The following P2RY8 variants were observed in gnomAD, a reference collection of about 807,000 sequenced individuals.
P2RY8 encodes S-geranylgeranyl-glutathione receptor P2RY8.
Under a neutral mutation model 10.0 loss-of-function variants are expected in P2RY8, and 6 were observed. The ratio of observed to expected loss-of-function variants is 0.60; its 90% CI spans 0.33 to 1.19. The LOEUF is 1.19. Among genes scored for constraint, P2RY8 ranks in the 50% most tolerant of loss-of-function variants. The probability of loss-of-function intolerance (pLI) is 0.04; values close to 1 mark genes in which losing one functional copy is unlikely to be tolerated. For missense variants in P2RY8, 456 were observed against 542.0 expected (o/e 0.84, Z 1.58); for synonymous variants, 276 against 252.5 (o/e 1.09, Z -0.88).
chrX:1,498,772 T>G (rs1475463566), intron 1 of P2RY8, among the ~76,000 whole-genome samples: 1 of 151,964 alleles, frequency 6.6e-6, no homozygotes, highest in African/African-American at 2.4e-5. Context: ...ACTCCTGATC[T>G]TGTGATCCGC....
intron 1 of P2RY8, among the ~76,000 whole-genome samples, chrX:1,529,565 G>A (rs1422784059): frequency 3.3e-5 from 5 of 152,040 alleles, no homozygotes; most frequent in African/African-American, 1.2e-4. Context: ...CAGTGCACAG[G>A]ATAGGCTCAA....
At chrX:1,478,273 G>GTGTGTGTGTGTGTGTGTGTGTGTA (rs539376483) in intron 1 of P2RY8, among the ~76,000 whole-genome samples, 2 of 133,568 alleles carry the variant, frequency 1.5e-5, no homozygotes, top group Non-Finnish European at 3.1e-5. Context: ...GTGTGTGTGT[G>GTGTGTGTGTGTGTGTGTGTGTGTA]CCCAGCAGGG....
At chrX:1,524,063 G>A (rs1166526656) in intron 1 of P2RY8, among the ~76,000 whole-genome samples, 10 of 152,088 alleles carry the variant, frequency 6.6e-5, no homozygotes, top group African/African-American at 2.4e-4. Context: ...ATTTATTTTG[G>A]TGACTGAGTT....
Position 1,464,639 on chromosome X carries a change from C to T in P2RY8, c.*840G>A, listed in dbSNP as rs2091637254. 1 of 233,332 alleles carries T rather than the reference C, an allele frequency of 4.3e-6. No individual in the cohort carries two copies. The highest frequency in any genetic ancestry group is 2.2e-5 in the African/African-American group (1 of 45,328). The allele number at this position is 233,332 out of a possible 1,614,324, so 14.5% of individuals were successfully genotyped here. A position where few individuals can be genotyped will look rare whatever the true frequency, so the allele number is the denominator to read the frequency against. On this transcript the variant is annotated 3_prime_UTR_variant, in exon 2 of 2. Coordinates refer to ENST00000381297, the MANE Select transcript of P2RY8 (RefSeq NM_178129.5). ...ACCTGGGCCTCCCGTGGTCCTTGTC[C>T]TGAGTCAGGGAAGCCTGAGTGTGTT...
chrX:1,468,333 C>T lies in P2RY8; in HGVS notation c.-24-1751G>A, dbSNP rs761989054. ...AAAGTCCTACGGTGGCGGCCTCACC[C>T]GGCCACCCTCGTGTCTGTACCTGTG... On this transcript the variant is annotated intron_variant, in intron 1 of 1. Transcript: ENST00000381297. Among the ~76,000 whole-genome samples the T allele has an allele frequency of 2.8e-3, 420 of 152,336 alleles. 1 individual carries two copies. The highest frequency in any genetic ancestry group is 4.2e-3 in the Non-Finnish European group (285 of 68,036).
chrX:1,511,930 C>T (rs2092299980), intron 1 of P2RY8, among the ~76,000 whole-genome samples: 3 of 152,142 alleles, frequency 2.0e-5, no homozygotes, highest in Non-Finnish European at 2.9e-5. Context: ...CCAGGTGTGT[C>T]CTTCTGGAAT....
At chrX:1,466,698 G>A in intron 1 of P2RY8, 116 bp from the exon 2 acceptor site, 4 of 997,626 alleles carry the variant, frequency 4.0e-6, no homozygotes, top group Non-Finnish European at 5.8e-6. Flanking sequence ...TGCTTTAGCA[G>A]GGCCTGCTGT....
At chrX:1,495,680 C>T (rs773182427) in intron 1 of P2RY8, among the ~76,000 whole-genome samples, 1 of 141,058 alleles carries the variant, frequency 7.1e-6, no homozygotes, top group Non-Finnish European at 1.5e-5. Context: ...GACACAGACA[C>T]ATACAGAGAG....
intron 1 of P2RY8, among the ~76,000 whole-genome samples, chrX:1,519,227 C>G (rs2092373601): frequency 6.6e-6 from 1 of 151,846 alleles, no homozygotes; most frequent in African/African-American, 2.4e-5. Flanking sequence ...CTCTCTGAGT[C>G]TCAATGTTCT....
chrX:1,473,533 AT>A, intron 1 of P2RY8, among the ~76,000 whole-genome samples: 1 of 45,838 alleles, frequency 2.2e-5, no homozygotes, highest in African/African-American at 5.8e-5. Flanking sequence ...GGGTGGATGG[AT>A]GGGTGGGTGG....
At chrX:1,528,368 T>C (rs1159003679) in intron 1 of P2RY8, among the ~76,000 whole-genome samples, 2 of 152,030 alleles carry the variant, frequency 1.3e-5, no homozygotes, top group African/African-American at 2.4e-5. Context: ...GGAGAGTGGG[T>C]TCCTGGAGAT....
At chrX:1,510,665 G>A (rs1467459445) in intron 1 of P2RY8, among the ~76,000 whole-genome samples, 10 of 151,774 alleles carry the variant, frequency 6.6e-5, no homozygotes, top group Non-Finnish European at 8.8e-5. Flanking sequence ...ATCACTTGAC[G>A]TCAGGAGTTC....
In P2RY8 at chrX:1,463,640, A is replaced by C; in HGVS notation, c.*1839T>G. The C allele has an allele frequency of 4.3e-6, 1 of 232,898 alleles. No individual in the cohort carries two copies. The highest frequency in any genetic ancestry group is 8.5e-6 in the Non-Finnish European group (1 of 117,828). 14.4% of individuals were successfully genotyped at this position (232,898 alleles called of 1,614,324 possible). ...ATAATAATTTCAGGTTCTGGGCTTTAAAACAAGACATGTCTTTCTGGGGCA... is the reference window on the plus strand; with the variant it reads ...ATAATAATTTCAGGTTCTGGGCTTTCAAACAAGACATGTCTTTCTGGGGCA... On this transcript the variant is annotated 3_prime_UTR_variant, in exon 2 of 2. Coordinates refer to ENST00000381297, the MANE Select transcript of P2RY8 (RefSeq NM_178129.5).
Position 1,485,282 on chromosome X carries a change from T to C in P2RY8, c.-24-18700A>G, listed in dbSNP as rs781262565. Reference sequence around the variant, plus strand: ...CCTCCCGAGTAGCTGGAACTACAGGTGTGCACCACCACGCCCAGCTACATT... The same window carrying C: ...CCTCCCGAGTAGCTGGAACTACAGGCGTGCACCACCACGCCCAGCTACATT... On this transcript the variant is annotated intron_variant, in intron 1 of 1. Transcript: ENST00000381297. Among the ~76,000 whole-genome samples the C allele has an allele frequency of 9.2e-5, 14 of 152,044 alleles. 1 individual carries two copies. In the South Asian group the frequency reaches 2.7e-3, roughly 29 times the overall value.
intron 1 of P2RY8, among the ~76,000 whole-genome samples, chrX:1,504,744 TG>T (rs1389602237): frequency 6.6e-6 from 1 of 152,188 alleles, no homozygotes; most frequent in Non-Finnish European, 1.5e-5. Flanking sequence ...CCCAGCACTT[TG>T]GGAGGCTGAT....
intron 1 of P2RY8, among the ~76,000 whole-genome samples, chrX:1,488,177 G>GC (rs1321395953): frequency 6.6e-6 from 1 of 151,846 alleles, no homozygotes; most frequent in Non-Finnish European, 1.5e-5. Flanking sequence ...TAACAGCTGA[G>GC]CCCCCAGGAG....
intron 1 of P2RY8, among the ~76,000 whole-genome samples, chrX:1,535,184 C>T (rs867466552): frequency 2.5e-5 from 2 of 80,648 alleles, no homozygotes; most frequent in Non-Finnish European, 2.2e-5. Context: ...GGGATAATTC[C>T]TTTTTTTTTT....
rs1483786936 is a variant in P2RY8, at chrX:1,463,636, C to G, written c.*1843G>C. On this transcript the variant is annotated 3_prime_UTR_variant, in exon 2 of 2. Coordinates refer to ENST00000381297, the MANE Select transcript of P2RY8 (RefSeq NM_178129.5). ...ATCTATAATAATTTCAGGTTCTGGG[C>G]TTTAAAACAAGACATGTCTTTCTGG... 2 of 232,576 alleles carry G rather than the reference C, an allele frequency of 8.6e-6. No homozygotes were observed. Among genetic ancestry groups the G allele is most frequent in the Non-Finnish European group, 1.7e-5 (2 of 117,758 alleles). 14.4% of individuals were successfully genotyped at this position (232,576 alleles called of 1,614,324 possible).
rs1261418240 is a variant in P2RY8 at position 1,530,267 on chromosome X, C to T, written c.-25+6654G>A. Among the ~76,000 whole-genome samples, 7 of 136,134 alleles carry T rather than the reference C, an allele frequency of 5.1e-5. No homozygotes were observed. In the Admixed American group the frequency reaches 5.2e-4, roughly 10 times the overall value. The allele number at this position is 136,134 out of a possible 152,430, so 89.3% of individuals were successfully genotyped here. A position where few individuals can be genotyped will look rare whatever the true frequency, so the allele number is the denominator to read the frequency against. ...ATCTATCTCTATTACCTATCATCAC[C>T]ATTATCTATCTATCTATCTATCTAT... On this transcript the variant is annotated intron_variant, in intron 1 of 1. Coordinates refer to ENST00000381297, the MANE Select transcript of P2RY8 (RefSeq NM_178129.5).
Sources: allele counts gnomAD v4.1 joint callset (sites outside exome capture counted in the v4.1 genomes callset), GRCh38; gene constraint gnomAD v4.1.1; transcripts MANE v1.5; gene names NCBI Gene and HGNC (gene_info 2026-07-23, HGNC 2026-07-21).